Variants in CASD1 observed in about 807,000 individuals in gnomAD.
CASD1 encodes the protein N-acetylneuraminate (7)9-O-acetyltransferase.
In CASD1, 41 loss-of-function variants were observed where a neutral mutation model predicts 100.0. The ratio of observed to expected loss-of-function variants is 0.41; its 90% CI spans 0.32 to 0.53. The LOEUF is 0.53. Among genes scored for constraint, CASD1 ranks in the 20% least tolerant of loss-of-function variants. The pLI is 0.25. For synonymous variants in CASD1, 321 were observed against 315.6 expected (o/e 1.02, Z -0.18); for missense variants, 774 against 948.7 (o/e 0.82, Z 2.42).
intron 7 of CASD1, 125 bp from the exon 8 acceptor site, chr7:94,535,184 G>A: frequency 1.5e-6 from 1 of 670,230 alleles, no homozygotes; most frequent in Non-Finnish European, 2.5e-6. Flanking sequence ...GAACTATTAG[G>A]TACCTGGTAC....
the CASD1 span, chr7:94,618,631 T>A: frequency 1.3e-6 from 1 of 753,738 alleles, no homozygotes; most frequent in South Asian, 1.8e-5. Flanking sequence ...TATGTTCATA[T>A]CTTTACAATA....
At chr7:94,585,283 T>A in the CASD1 span, 1 of 490,448 alleles carries the variant, frequency 2.0e-6, no homozygotes, top group South Asian at 4.2e-5. Context: ...AAATATAAAG[T>A]CATCAATGTT....
intron 14 of CASD1, among the ~76,000 whole-genome samples, chr7:94,550,480 CTATT>C (rs1296663412): frequency 6.6e-6 from 1 of 152,114 alleles, no homozygotes; most frequent in Non-Finnish European, 1.5e-5. Flanking sequence ...CTGTCCCAGT[CTATT>C]TAGGCTGCTG....
At chr7:94,521,683 T>C (rs1387858300) in intron 3 of CASD1, among the ~76,000 whole-genome samples, 1 of 152,168 alleles carries the variant, frequency 6.6e-6, no homozygotes, top group Non-Finnish European at 1.5e-5. Context: ...CATATACATA[T>C]GATATACATA....
At chr7:94,586,856 T>TA in the CASD1 span, 154 of 976,264 alleles carry the variant, frequency 1.6e-4, no homozygotes, top group African/African-American at 1.2e-3. Flanking sequence ...TGCATAATTA[T>TA]AAAAAAAAAT....
intron 13 of CASD1, among the ~76,000 whole-genome samples, chr7:94,549,175 G>C (rs1795824180): frequency 6.6e-6 from 1 of 151,776 alleles, no homozygotes; most frequent in African/African-American, 2.4e-5. Flanking sequence ...TAGTTATTTT[G>C]TCTGTGAGAT....
At chr7:94,628,310 G>A in the CASD1 span, 2 of 1,611,608 alleles carry the variant, frequency 1.2e-6, no homozygotes, top group Non-Finnish European at 1.7e-6. Context: ...GTCGGTCTGG[G>A]TAACCCATTA....
At chr7:94,631,396 A>G in the CASD1 span, among the ~76,000 whole-genome samples, 1 of 151,888 alleles carries the variant, frequency 6.6e-6, no homozygotes, top group Admixed American at 6.6e-5. Context: ...GCTTTCCAGG[A>G]GTTCACCATC....
chr7:94,630,037 T>A, the CASD1 span: 1 of 576,566 alleles, frequency 1.7e-6, no homozygotes, highest in African/African-American at 1.9e-5. Context: ...GGGAAAAAAT[T>A]CTTTTGATTT....
the CASD1 span, chr7:94,626,147 T>C: frequency 6.6e-6 from 1 of 152,102 alleles, no homozygotes; most frequent in Non-Finnish European, 1.5e-5. Context: ...TCTTATTAAA[T>C]TGCAGGATTT....
the CASD1 span, among the ~76,000 whole-genome samples, chr7:94,608,601 C>A: frequency 1.3e-5 from 2 of 152,182 alleles, no homozygotes; most frequent in South Asian, 4.2e-4. Flanking sequence ...AAACAGAAGA[C>A]CCAGAATAGC....
intron 3 of CASD1, among the ~76,000 whole-genome samples, chr7:94,521,105 A>AG (rs1436152256): frequency 6.6e-6 from 1 of 152,156 alleles, no homozygotes. Context: ...AGAAAAAAAA[A>AG]GAATAGTAGC....
chr7:94,528,158 T>G, intron 4 of CASD1, 30 bp from the exon 5 acceptor site: 1 of 1,488,766 alleles, frequency 6.7e-7, no homozygotes. Flanking sequence ...TTCTTCAACT[T>G]TTTCTTTACT....
At chr7:94,599,097 A>G in the CASD1 span, 2 of 642,816 alleles carry the variant, frequency 3.1e-6, no homozygotes, top group Non-Finnish European at 5.3e-6. Context: ...GGCATTCAAT[A>G]AACTATTTCA....
At chr7:94,559,585 G>A (rs1796307326), downstream of CASD1, among the ~76,000 whole-genome samples, 1 of 152,064 alleles carries the variant, frequency 6.6e-6, no homozygotes, top group South Asian at 2.1e-4. Flanking sequence ...GAGTGCAATG[G>A]CGCAATCTCG....
the CASD1 span, among the ~76,000 whole-genome samples, chr7:94,574,599 T>A: frequency 2.6e-5 from 4 of 152,072 alleles, no homozygotes; most frequent in Non-Finnish European, 5.9e-5. Flanking sequence ...TCTGATTGTT[T>A]TATTTGGATC....
chr7:94,603,153 C>A, the CASD1 span: 21 of 661,498 alleles, frequency 3.2e-5, no homozygotes, highest in African/African-American at 3.6e-4. Context: ...CTTACCAGAT[C>A]CTTAATCTCA....
In CASD1 at chr7:94,554,397, TA is replaced by T. The variant is rs1323303037; in HGVS notation, c.2035-84del. 5 of 815,798 alleles carry T rather than the reference TA, an allele frequency of 6.1e-6. No homozygotes were observed. In the East Asian group the frequency reaches 1.3e-4, roughly 22 times the overall value. The allele number at this position is 815,798 out of a possible 1,614,324, so 50.5% of individuals were successfully genotyped here. ...GTGTCAAGTTCACAAACATAAAGAA[TA>T]AGGTTATCATTTAAAAGAAAGCTTT... On this transcript the variant is annotated intron_variant, in intron 16 of 17. Transcript: ENST00000297273.
chr7:94,583,805 G>A, the CASD1 span, among the ~76,000 whole-genome samples: 18 of 152,242 alleles, frequency 1.2e-4, no homozygotes, highest in African/African-American at 4.1e-4. Flanking sequence ...CACTAGGAGA[G>A]TACAGTTGGG....
Sources: gnomAD v4.1 joint callset for allele counts (sites outside exome capture counted in the v4.1 genomes callset) on GRCh38, gnomAD v4.1.1 for gene constraint, MANE v1.5 for transcripts, NCBI Gene and HGNC (gene_info 2026-07-23, HGNC 2026-07-21) for gene names.